NXPE2: variants seen among roughly 807,000 people sequenced by gnomAD.
The protein encoded by NXPE2 is neurexophilin and PC-esterase domain family member 2, also known as NXPE family member 2.
NXPE2 carries 34 observed loss-of-function variants against 34.4 expected under a neutral mutation model. That is an observed-to-expected ratio of 0.99 (90% CI 0.75 to 1.31). The LOEUF (loss-of-function observed/expected upper bound fraction) is 1.31. Among genes scored for constraint, NXPE2 ranks in the 40% most tolerant of loss-of-function variants. NXPE2 has a pLI of 0.00. For synonymous variants in NXPE2, 235 were observed against 231.3 expected (o/e 1.02, Z -0.15); for missense variants, 649 against 672.5 (o/e 0.97, Z 0.39).
chr11:114,711,856 A>G (rs1408763928), downstream of NXPE2, among the ~76,000 whole-genome samples: 1 of 152,188 alleles, frequency 6.6e-6, no homozygotes, highest in Non-Finnish European at 1.5e-5. Flanking sequence ...AACATACTTC[A>G]AAGCAACAAT....
At chr11:114,525,965 C>G in the NXPE2 span, among the ~76,000 whole-genome samples, 2 of 152,136 alleles carry the variant, frequency 1.3e-5, no homozygotes, top group African/African-American at 4.8e-5. Context: ...CCAGTTATGA[C>G]CAGGGTATGG....
At chr11:114,580,545 T>C in the NXPE2 span, among the ~76,000 whole-genome samples, 1 of 152,204 alleles carries the variant, frequency 6.6e-6, no homozygotes, top group African/African-American at 2.4e-5. Context: ...ATAATGTTCA[T>C]TAATGTTCGT....
chr11:114,645,714 T>A, the NXPE2 span, among the ~76,000 whole-genome samples: 1 of 152,000 alleles, frequency 6.6e-6, no homozygotes, highest in African/African-American at 2.4e-5. Context: ...AAGACATGAA[T>A]AAAGAATTCA....
the NXPE2 span, among the ~76,000 whole-genome samples, chr11:114,507,057 A>G: frequency 6.6e-6 from 1 of 152,230 alleles, no homozygotes; most frequent in East Asian, 1.9e-4. Context: ...ACTGACCCAT[A>G]AGAAATACAA....
the NXPE2 span, among the ~76,000 whole-genome samples, chr11:114,623,686 C>T: frequency 6.6e-6 from 1 of 152,144 alleles, no homozygotes; most frequent in African/African-American, 2.4e-5. Flanking sequence ...TAAGCATTGC[C>T]TCGTGGGAAA....
the NXPE2 span, chr11:114,583,620 A>G: frequency 6.7e-6 from 4 of 593,450 alleles, no homozygotes; most frequent in Non-Finnish European, 1.3e-5. Flanking sequence ...AGTGCTGTGA[A>G]ACTTAATGAG....
chr11:114,466,732 C>A, the NXPE2 span, among the ~76,000 whole-genome samples: 2 of 152,160 alleles, frequency 1.3e-5, no homozygotes, highest in African/African-American at 2.4e-5. Context: ...CAGTTTGGAA[C>A]TGGCTTTAAA....
chr11:114,557,197 T>C, the NXPE2 span, among the ~76,000 whole-genome samples: 1 of 152,132 alleles, frequency 6.6e-6, no homozygotes, highest in South Asian at 2.1e-4. Context: ...CCCGGCCCCC[T>C]TTTTGACCTC....
intron 4 of NXPE2, among the ~76,000 whole-genome samples, chr11:114,705,089 T>C (rs1385966394): frequency 6.6e-6 from 1 of 152,162 alleles, no homozygotes; most frequent in African/African-American, 2.4e-5. Flanking sequence ...GTGGTGAATA[T>C]AGAAGTGGCC....
chr11:114,532,339 C>A, the NXPE2 span, among the ~76,000 whole-genome samples: 2 of 151,990 alleles, frequency 1.3e-5, no homozygotes, highest in East Asian at 1.9e-4. Context: ...TGAAATTCCC[C>A]CAAAAGAACC....
chr11:114,748,288 G>C, the NXPE2 span, among the ~76,000 whole-genome samples: 3 of 152,170 alleles, frequency 2.0e-5, no homozygotes, highest in Middle Eastern at 3.4e-3. Flanking sequence ...TTGTCCCCTA[G>C]TACATGCAGT....
intron 2 of NXPE2, among the ~76,000 whole-genome samples, chr11:114,690,783 T>C (rs1317741611): frequency 6.6e-6 from 1 of 152,158 alleles, no homozygotes; most frequent in African/African-American, 2.4e-5. Flanking sequence ...TTGTTCATTT[T>C]TAAAAATTAT....
At chr11:114,591,083 C>G in the NXPE2 span, among the ~76,000 whole-genome samples, 2 of 152,142 alleles carry the variant, frequency 1.3e-5, no homozygotes, top group African/African-American at 4.8e-5. Flanking sequence ...CCAGACTGGA[C>G]CATCTTCACA....
chr11:114,727,407 A>C, the NXPE2 span, among the ~76,000 whole-genome samples: 3 of 152,040 alleles, frequency 2.0e-5, no homozygotes, highest in Admixed American at 2.0e-4. Flanking sequence ...TCATGACCTG[A>C]TCATGTCTGA....
chr11:114,648,142 C>T, the NXPE2 span, among the ~76,000 whole-genome samples: 1 of 152,054 alleles, frequency 6.6e-6, no homozygotes, highest in Non-Finnish European at 1.5e-5. Flanking sequence ...AGTATCTTTG[C>T]CTATTTATAA....
At chr11:114,798,890 C>T in the NXPE2 span, among the ~76,000 whole-genome samples, 2,186 of 152,294 alleles carry the variant, frequency 0.014, 33 homozygotes, top group Non-Finnish European at 0.023. Flanking sequence ...GTCTGCACCT[C>T]CTGGCTGCCC....
chr11:114,729,125 G>A, the NXPE2 span, among the ~76,000 whole-genome samples: 1 of 151,950 alleles, frequency 6.6e-6, no homozygotes, highest in Non-Finnish European at 1.5e-5. Context: ...ATGTCCATGA[G>A]TACCCAAGGT....
chr11:114,553,998 T>C, the NXPE2 span: 2 of 985,438 alleles, frequency 2.0e-6, no homozygotes, highest in Non-Finnish European at 2.4e-6. Flanking sequence ...ACTTGTCCAA[T>C]TGCAATGTTT....
At chr11:114,622,805 C>T in the NXPE2 span, among the ~76,000 whole-genome samples, 5 of 152,046 alleles carry the variant, frequency 3.3e-5, no homozygotes, top group African/African-American at 1.2e-4. Flanking sequence ...ATTAGTATTG[C>T]CTCATGGGTT....
Sources: gnomAD v4.1 joint callset for allele counts (sites outside exome capture counted in the v4.1 genomes callset) on GRCh38, gnomAD v4.1.1 for gene constraint, MANE v1.5 for transcripts, NCBI Gene and HGNC (gene_info 2026-07-23, HGNC 2026-07-21) for gene names.